GABBR2: variants seen among roughly 807,000 people sequenced by gnomAD.
The protein encoded by GABBR2 is G-protein coupled receptor 51.
In GABBR2, 23 loss-of-function variants were observed where a neutral mutation model predicts 105.6. The ratio of observed to expected loss-of-function variants is 0.22; its 90% CI spans 0.16 to 0.31. GABBR2 has a LOEUF of 0.31. GABBR2 is among the 10% of genes least tolerant of loss of function. The probability of loss-of-function intolerance (pLI) is 1.00; values close to 1 mark genes in which losing one functional copy is unlikely to be tolerated. For synonymous variants in GABBR2, 478 were observed against 499.7 expected (o/e 0.96, Z 0.58); for missense variants, 734 against 1,245.5 (o/e 0.59, Z 6.18).
In GABBR2 at chr9:98,454,176, T is replaced by C; in HGVS notation, c.1041A>G (p.Ser347=). Residue 347 remains serine (S), a synonymous_variant, in exon 7 of 19, where the codon TCA becomes TCG. Coordinates refer to ENST00000259455, the MANE Select transcript of GABBR2 (RefSeq NM_005458.8). The surrounding 1 kb of genome is among the most constrained non-coding windows in gnomAD (Gnocchi z 4.6). ...CGTGGAACTTGCTGGGCCCCACGCC[T>C]GACCGCTTGTTGTTGTACTCTCTCT... The part of the protein sequence containing the change: ...QYEREYNNKR[S]GVGPSKFHGY... 3 of 1,614,134 alleles carry C rather than the reference T, an allele frequency of 1.9e-6. No individual in the cohort carries two copies. The highest frequency in any genetic ancestry group is 2.5e-6 in the Non-Finnish European group (3 of 1,179,964).
At chr9:98,335,567 T>C (rs921736047) in intron 13 of GABBR2, among the ~76,000 whole-genome samples, 1 of 152,096 alleles carries the variant, frequency 6.6e-6, no homozygotes, top group Admixed American at 6.6e-5. Context: ...ATCAGATATT[T>C]TGGGGGGTGT....
intron 1 of GABBR2, among the ~76,000 whole-genome samples, chr9:98,696,603 T>C (rs1186875961): frequency 6.6e-6 from 1 of 152,238 alleles, no homozygotes; most frequent in African/African-American, 2.4e-5. Context: ...ATTTTGGAGT[T>C]ATCTCCCTAC....
chr9:98,457,731 C>T (rs1440062620), intron 6 of GABBR2, among the ~76,000 whole-genome samples: 1 of 152,174 alleles, frequency 6.6e-6, no homozygotes, highest in East Asian at 1.9e-4. Flanking sequence ...GTCGTTGCTG[C>T]CACATGATAT....
chr9:98,594,521 T>G (rs1428045907), intron 1 of GABBR2, among the ~76,000 whole-genome samples: 6 of 152,086 alleles, frequency 3.9e-5, no homozygotes, highest in African/African-American at 1.4e-4. Context: ...GGAGAGGAAT[T>G]TGCTGGAGGG....
At chr9:98,477,311 G>A (rs1350354496) in intron 5 of GABBR2, among the ~76,000 whole-genome samples, 3 of 152,204 alleles carry the variant, frequency 2.0e-5, no homozygotes, top group African/African-American at 7.2e-5. Context: ...ATGACCATGG[G>A]TCACTGCAGC....
At chr9:98,501,069 G>A (rs1827388395) in intron 3 of GABBR2, among the ~76,000 whole-genome samples, 1 of 151,634 alleles carries the variant, frequency 6.6e-6, no homozygotes, top group Admixed American at 6.6e-5. Flanking sequence ...TAGGAGACCA[G>A]AATGTATTAA....
At chr9:98,529,171 A>T (rs1588213572) in intron 3 of GABBR2, among the ~76,000 whole-genome samples, 1 of 152,132 alleles carries the variant, frequency 6.6e-6, no homozygotes, top group East Asian at 1.9e-4. Flanking sequence ...AAAAAAAAAA[A>T]TCCCAACAGT....
At chr9:98,323,328 G>A (rs920596531) in intron 13 of GABBR2, among the ~76,000 whole-genome samples, 1 of 152,246 alleles carries the variant, frequency 6.6e-6, no homozygotes, top group Non-Finnish European at 1.5e-5. Context: ...GGTCACCAGG[G>A]TGCTGTGCTA....
At chr9:98,644,971 T>G (rs1002678931) in intron 1 of GABBR2, among the ~76,000 whole-genome samples, 1 of 152,182 alleles carries the variant, frequency 6.6e-6, no homozygotes, top group East Asian at 1.9e-4. Context: ...CCCAGCAATA[T>G]ATGTTACCCC....
At chr9:98,328,594 G>A (rs910413826) in intron 13 of GABBR2, among the ~76,000 whole-genome samples, 11 of 152,228 alleles carry the variant, frequency 7.2e-5, no homozygotes, top group African/African-American at 2.7e-4. Flanking sequence ...TGCAAAAGCT[G>A]CCAGGAGGCT....
intron 1 of GABBR2, 94 bp downstream of exon 1, chr9:98,708,322 CG>C: frequency 8.1e-7 from 1 of 1,235,902 alleles, no homozygotes; most frequent in Non-Finnish European, 1.0e-6. Context: ...GCCGGTCAAT[CG>C]GGGATCTGAC....
chr9:98,453,033 T>C (rs1445564086), intron 7 of GABBR2, among the ~76,000 whole-genome samples: 1 of 152,208 alleles, frequency 6.6e-6, no homozygotes, highest in African/African-American at 2.4e-5. Context: ...TATGCCCTTT[T>C]TTTTTCTTTT....
chr9:98,436,361 A>ACACACACACAC (rs1564068224), intron 7 of GABBR2, among the ~76,000 whole-genome samples: 10 of 5,120 alleles, frequency 2.0e-3, no homozygotes, highest in African/African-American at 2.3e-3. Flanking sequence ...ATATATATAT[A>ACACACACACAC]TATATATATA....
At chr9:98,424,317 T>G (rs1483071327) in intron 7 of GABBR2, among the ~76,000 whole-genome samples, 1 of 152,044 alleles carries the variant, frequency 6.6e-6, no homozygotes, top group Non-Finnish European at 1.5e-5. Context: ...AATTAGGTAT[T>G]GATGGGACGT....
intron 11 of GABBR2, among the ~76,000 whole-genome samples, chr9:98,374,401 G>C: frequency 6.6e-6 from 1 of 152,218 alleles, no homozygotes; most frequent in East Asian, 1.9e-4. Flanking sequence ...GCAGGCCTGA[G>C]ACTGTTATCT....
chr9:98,656,737 A>C (rs1830189096), intron 1 of GABBR2, among the ~76,000 whole-genome samples: 1 of 152,216 alleles, frequency 6.6e-6, no homozygotes, highest in Admixed American at 6.5e-5. Flanking sequence ...ATTCTTAAGG[A>C]AACCTATCAG....
chr9:98,326,697 A>G (rs1830930859), intron 13 of GABBR2, among the ~76,000 whole-genome samples: 1 of 152,226 alleles, frequency 6.6e-6, no homozygotes, highest in Non-Finnish European at 1.5e-5. Flanking sequence ...TGAGTGAGGA[A>G]TAAACCCTTG....
At chr9:98,382,578 G>A (rs1479563978) in intron 11 of GABBR2, among the ~76,000 whole-genome samples, 1 of 152,172 alleles carries the variant, frequency 6.6e-6, no homozygotes, top group Admixed American at 6.5e-5. Flanking sequence ...GCCTCCCAAA[G>A]TGCTGGGATT....
intron 3 of GABBR2, among the ~76,000 whole-genome samples, chr9:98,522,110 G>T (rs566833586): frequency 1.9e-4 from 28 of 151,060 alleles, no homozygotes; most frequent in Non-Finnish European, 3.1e-4. Context: ...ATTTTAAGAA[G>T]CATTAGAAGC....
Sources: allele counts gnomAD v4.1 joint callset (sites outside exome capture counted in the v4.1 genomes callset), GRCh38; gene constraint gnomAD v4.1.1; non-coding constraint Gnocchi (gnomAD v3.1); transcripts MANE v1.5; gene names NCBI Gene and HGNC (gene_info 2026-07-23, HGNC 2026-07-21).